The following RCBTB1 variants were observed in gnomAD, a reference collection of about 807,000 sequenced individuals.
RCBTB1 encodes the protein RCC1 and BTB domain-containing protein 1.
In RCBTB1, 46 loss-of-function variants were observed where a neutral mutation model predicts 62.4. The ratio of observed to expected loss-of-function variants is 0.74; its 90% CI spans 0.58 to 0.94. RCBTB1 has a LOEUF of 0.94. RCBTB1 is among the 40% of genes least tolerant of loss of function. The pLI is 0.00. For synonymous variants in RCBTB1, 222 were observed against 245.8 expected, an observed-to-expected ratio of 0.90 and a Z score of 0.91; for missense variants, 565 against 654.9, an observed-to-expected ratio of 0.86 and a Z score of 1.50.
At chr13:49,547,081 A>G (rs1435726122) in intron 9 of RCBTB1, 1 of 1,281,168 alleles carries the variant, frequency 7.8e-7, no homozygotes, top group Non-Finnish European at 1.0e-6. Flanking sequence ...AGATGTGTAC[A>G]GAAGTGCTTC....
intron 12 of RCBTB1, 60 bp downstream of exon 12, chr13:49,540,816 G>T (rs1251481296): frequency 5.1e-6 from 8 of 1,564,494 alleles, no homozygotes; most frequent in Non-Finnish European, 6.9e-6. Flanking sequence ...GCAAGAAGCG[G>T]GGGAGACGAG....
chr13:49,544,568 T>C (rs1431072257), intron 10 of RCBTB1, among the ~76,000 whole-genome samples, 169 bp downstream of exon 10: 1 of 152,154 alleles, frequency 6.6e-6, no homozygotes, highest in Non-Finnish European at 1.5e-5. Flanking sequence ...GCTCCATGAG[T>C]GTACACAAAA....
rs902186781 is a variant in RCBTB1 at position 49,532,871 on chromosome 13, C to T, written c.*1251G>A. 2 of 152,044 alleles carry T rather than the reference C, an allele frequency of 1.3e-5. No individual in the cohort carries two copies. The highest frequency in any genetic ancestry group is 4.8e-5 in the African/African-American group (2 of 41,390). 9.4% of individuals were successfully genotyped at this position (152,044 alleles called of 1,614,324 possible). On this transcript the variant is annotated 3_prime_UTR_variant, in exon 13 of 13. Transcript: ENST00000378302. ...GACCAGAGAGCAAAGCAAAACATTG[C>T]TCTTAAAAGCAAGCTCAACGGACAC...
intron 3 of RCBTB1, among the ~76,000 whole-genome samples, 183 bp from the exon 4 acceptor site, chr13:49,566,951 T>C (rs918396182): frequency 6.6e-6 from 1 of 152,202 alleles, no homozygotes. Flanking sequence ...TGTTTGTCTA[T>C]ATTATGAAAC....
At chr13:49,540,110 C>T (rs1960232167) in intron 12 of RCBTB1, among the ~76,000 whole-genome samples, 1 of 152,192 alleles carries the variant, frequency 6.6e-6, no homozygotes, top group African/African-American at 2.4e-5. Flanking sequence ...ATCTGTGAAA[C>T]CAACCATACC....
intron 11 of RCBTB1, among the ~76,000 whole-genome samples, chr13:49,541,330 A>ATAC (rs1960345137): frequency 6.6e-6 from 1 of 152,184 alleles, no homozygotes; most frequent in South Asian, 2.1e-4. Flanking sequence ...CCATAGCTTA[A>ATAC]TACCTAGGTG....
rs566268853 is a variant in RCBTB1, at chr13:49,566,887, G to C, written c.127-119C>G. ...AGAGCTCAGGAGGTGAAAAGAGACT[G>C]ATATGGTTGTTAAGAAAAATTCAAC... is the stretch of plus-strand genomic sequence containing the variant. On this transcript the variant is annotated intron_variant, in intron 3 of 12. Coordinates refer to ENST00000378302, the MANE Select transcript of RCBTB1 (RefSeq NM_018191.4). 4.0e-6 allele frequency: 4 copies of C among 995,532 alleles called. No individual in the cohort carries two copies. In the African/African-American group the frequency reaches 6.5e-5, roughly 16 times the overall value. 61.7% of individuals were successfully genotyped at this position (995,532 alleles called of 1,614,324 possible).
intron 12 of RCBTB1, among the ~76,000 whole-genome samples, chr13:49,536,262 T>G (rs1330726918): frequency 3.9e-5 from 6 of 152,132 alleles, no homozygotes; most frequent in African/African-American, 1.2e-4. Flanking sequence ...AGTAACTAAT[T>G]AAACCTTGGT....
intron 8 of RCBTB1, chr13:49,549,969 G>C (rs1961185324): frequency 1.1e-6 from 1 of 894,352 alleles, no homozygotes; most frequent in Non-Finnish European, 1.3e-6. Context: ...CCTAACAAAT[G>C]TGATGGCTTA....
intron 6 of RCBTB1, among the ~76,000 whole-genome samples, chr13:49,553,181 A>C (rs1461423509): frequency 6.6e-6 from 1 of 152,182 alleles, no homozygotes; most frequent in Non-Finnish European, 1.5e-5. Flanking sequence ...CAAAAAGACT[A>C]GAAGGAAAGG....
chr13:49,543,596 G>A (rs1393944117), intron 10 of RCBTB1, among the ~76,000 whole-genome samples: 3 of 152,200 alleles, frequency 2.0e-5, no homozygotes, highest in Admixed American at 6.5e-5. Flanking sequence ...CCACTTTAAT[G>A]GTCTTAGCTT....
chr13:49,543,258 T>C (rs1472455717), intron 10 of RCBTB1, among the ~76,000 whole-genome samples: 3 of 151,450 alleles, frequency 2.0e-5, no homozygotes, highest in Non-Finnish European at 1.5e-5. Context: ...AATGAGTCTC[T>C]GTCTCAAAAA....
At position 49,549,114 on chromosome 13, in the gene RCBTB1, A is replaced by G. The variant is rs918040872; in HGVS notation, c.1045+344T>C. 6.7e-5 allele frequency among the ~76,000 whole-genome samples: 9 copies of G among 134,706 alleles called. 2 individuals are homozygous for G. The highest frequency in any genetic ancestry group is 2.4e-4 in the African/African-American group (8 of 32,886). The allele number at this position is 134,706 out of a possible 152,430, so 88.4% of individuals were successfully genotyped here. A position where few individuals can be genotyped will look rare whatever the true frequency, so the allele number is the denominator to read the frequency against. On this transcript the variant is annotated intron_variant, in intron 9 of 12. Coordinates refer to ENST00000378302, the MANE Select transcript of RCBTB1 (RefSeq NM_018191.4). ...ACCACTGCACTCCAGCCTGGGCGAC[A>G]GAGTGAGATTCTGTCTCAATAAAAA... is the stretch of plus-strand genomic sequence containing the variant.
At position 49,571,640 on chromosome 13, in the gene RCBTB1, C is replaced by T. The variant is rs546947945; in HGVS notation, c.-41-4320G>A. On this transcript the variant is annotated intron_variant, in intron 2 of 12. Coordinates refer to ENST00000378302, the MANE Select transcript of RCBTB1 (RefSeq NM_018191.4). ...CATCCTTGGAATTCAGACAAGGTTCCCTGAGAGGTTTTGTGGGGCTATGTG... is the reference window on the plus strand; with the variant it reads ...CATCCTTGGAATTCAGACAAGGTTCTCTGAGAGGTTTTGTGGGGCTATGTG... Among the ~76,000 whole-genome samples the T allele has an allele frequency of 1.3e-4, 20 of 152,220 alleles. No individual in the cohort carries two copies. In the South Asian group the frequency reaches 3.5e-3, roughly 27 times the overall value.
At position 49,549,661 on chromosome 13, in the gene RCBTB1, A is replaced by G. The variant is rs1961161210; in HGVS notation, c.855-13T>C. 1.3e-6 allele frequency: 2 copies of G among 1,593,990 alleles called. No individual in the cohort carries two copies. The highest frequency in any genetic ancestry group is 1.7e-6 in the Non-Finnish European group (2 of 1,166,810). The stretch of plus-strand genomic sequence containing the variant: ...AATCTCTACCACCCTGAAAAGTTTT[A>G]AGAAAAATGCATGTTACTTCATGAT... On this transcript the variant is annotated splice_polypyrimidine_tract_variant and intron_variant, in intron 8 of 12. Transcript: ENST00000378302.
At chr13:49,553,901 A>AT (rs1290541881) in intron 6 of RCBTB1, among the ~76,000 whole-genome samples, 1 of 152,256 alleles carries the variant, frequency 6.6e-6, no homozygotes, top group African/African-American at 2.4e-5. Context: ...AAATACTTGT[A>AT]TAAGTGTACA....
rs1423747340 is a variant in RCBTB1, at chr13:49,540,908, G to A, written c.1423C>T (p.Leu475=). The change falls in exon 12 of 13, where the codon CTA becomes TTA. Residue 475 remains leucine, a synonymous_variant. Coordinates refer to ENST00000378302, the MANE Select transcript of RCBTB1 (RefSeq NM_018191.4). ...TCATATCTGACTGCAGCAGAGAATAGCGAAAAGGCATTCTCCACAGTAATT... is the reference window on the plus strand; with the variant it reads ...TCATATCTGACTGCAGCAGAGAATAACGAAAAGGCATTCTCCACAGTAATT... The part of the protein sequence containing the change: ...RGITVENAFS[L]FSAAVRYDAE... 1.2e-6 allele frequency: 2 copies of A among 1,613,968 alleles called. No homozygotes were observed. The highest frequency in any genetic ancestry group is 1.7e-6 in the Non-Finnish European group (2 of 1,179,980).
chr13:49,546,399 C>A (rs1960790689), intron 9 of RCBTB1: 8 of 977,702 alleles, frequency 8.2e-6, no homozygotes, highest in Non-Finnish European at 8.5e-6. Context: ...AGTCCCCAAC[C>A]TTTTTGGTAC....
At chr13:49,575,925 C>T (rs932086961) in intron 2 of RCBTB1, among the ~76,000 whole-genome samples, 4 of 152,076 alleles carry the variant, frequency 2.6e-5, no homozygotes, top group African/African-American at 4.8e-5. Flanking sequence ...TGGTGGCTCA[C>T]GCCTGTAATC....
Sources: allele counts gnomAD v4.1 joint callset (sites outside exome capture counted in the v4.1 genomes callset), GRCh38; gene constraint gnomAD v4.1.1; transcripts MANE v1.5; gene names NCBI Gene and HGNC (gene_info 2026-07-23, HGNC 2026-07-21).